The following OSBP2 variants were observed in gnomAD, a reference collection of about 807,000 sequenced individuals.
OSBP2 encodes oxysterol-binding protein 2.
OSBP2 carries 66 observed loss-of-function variants against 96.0 expected under a neutral mutation model. The observed-to-expected ratio is 0.69, with a 90% CI of 0.56 to 0.84. The LOEUF (loss-of-function observed/expected upper bound fraction) is 0.84, where lower values mean the gene tolerates loss of function less well. Ranked by LOEUF, OSBP2 falls within the 40% of genes least tolerant of loss-of-function variation. OSBP2 has a pLI of 0.00. For synonymous variants in OSBP2, 525 were observed against 520.9 expected (o/e 1.01, Z -0.11); for missense variants, 1,038 against 1,222.7 (o/e 0.85, Z 2.25).
rs143760339 is a variant in OSBP2 at position 30,707,703 on chromosome 22, C to T, written c.644+12150C>T. ...CTGCACTCCAGCCTGGGCAACAGAG[C>T]GAGACTCTGTCTCAAAAAAAAAAAA... On this transcript the variant is annotated intron_variant, in intron 1 of 13. Transcript: ENST00000332585. Among the ~76,000 whole-genome samples, 112 of 147,064 alleles carry T rather than the reference C, an allele frequency of 7.6e-4. 1 individual carries two copies. Among genetic ancestry groups the T allele is most frequent in the African/African-American group, 2.6e-3 (105 of 39,880 alleles).
Position 30,893,583 on chromosome 22 carries a change from G to T in OSBP2, c.2094+17G>T. ...ATCGACCAGGTCAGGGGCGCCCTTG[G>T]GGAGGGGGTGCATGGCCCGGGGGCT... On this transcript the variant is annotated intron_variant, in intron 10 of 13. Transcript: ENST00000332585. 6.2e-7 allele frequency: 1 copy of T among 1,613,612 alleles called. No individual in the cohort carries two copies. Among genetic ancestry groups the T allele is most frequent in the Non-Finnish European group, 8.5e-7 (1 of 1,179,502 alleles).
rs555536976 is a variant in OSBP2, at chr22:30,881,528, T to G, written c.1108-5898T>G. Among the ~76,000 whole-genome samples, 1 of 152,270 alleles carries G rather than the reference T, an allele frequency of 6.6e-6. No individual in the cohort carries two copies. The highest frequency in any genetic ancestry group is 1.9e-4 in the East Asian group (1 of 5,182). ...CGAGTCTCCTGGCCCCAGGTAGAGT[T>G]GTCACACAGCCTCAGAGAAATGAGA... is the stretch of plus-strand genomic sequence containing the variant. On this transcript the variant is annotated intron_variant, in intron 3 of 13. Coordinates refer to ENST00000332585, the MANE Select transcript of OSBP2 (RefSeq NM_030758.4). The surrounding 1 kb of genome is among the most constrained non-coding windows in gnomAD (Gnocchi z 4.5).
chr22:30,761,818 T>G (rs561174398), intron 2 of OSBP2, among the ~76,000 whole-genome samples: 42 of 152,226 alleles, frequency 2.8e-4, no homozygotes, highest in South Asian at 6.2e-4. Flanking sequence ...TTGACAGAGG[T>G]GCAGAAACAA....
chr22:30,823,073 C>T (rs1160648242), intron 2 of OSBP2, among the ~76,000 whole-genome samples: 1 of 152,274 alleles, frequency 6.6e-6, no homozygotes, highest in African/African-American at 2.4e-5. Context: ...CTGGGGTCCG[C>T]ATGCCCCTGG....
At chr22:30,704,712 C>G (rs1159634965) in intron 1 of OSBP2, among the ~76,000 whole-genome samples, 1 of 152,000 alleles carries the variant, frequency 6.6e-6, no homozygotes, top group Admixed American at 6.6e-5. Flanking sequence ...GTGATCTCAG[C>G]CTCCCAAAGT....
chr22:30,904,052 G>A (rs1433834340), intron 12 of OSBP2, among the ~76,000 whole-genome samples: 1 of 152,174 alleles, frequency 6.6e-6, no homozygotes, highest in South Asian at 2.1e-4. Flanking sequence ...GAGCTTGAAC[G>A]CCCGCGTGTG....
At chr22:30,857,243 A>G (rs2107401) in intron 2 of OSBP2, among the ~76,000 whole-genome samples, 101,413 of 152,056 alleles carry the variant, frequency 0.67, 35,270 homozygotes, top group African/African-American at 0.88. Flanking sequence ...GGAGGCAATG[A>G]TGGGCCTGGA....
intron 2 of OSBP2, among the ~76,000 whole-genome samples, chr22:30,826,410 T>C (rs1419955531): frequency 6.6e-6 from 1 of 152,144 alleles, no homozygotes; most frequent in African/African-American, 2.4e-5. Context: ...CAGTCCAGCC[T>C]CCCTCTGCCT....
chr22:30,839,676 C>T (rs1292073317), intron 2 of OSBP2, among the ~76,000 whole-genome samples: 2 of 151,372 alleles, frequency 1.3e-5, no homozygotes, highest in Non-Finnish European at 3.0e-5. Context: ...ATCCTTTGCC[C>T]ACTTTTTGAT....
At position 30,890,177 on chromosome 22, in the gene OSBP2, G is replaced by A. The variant is rs576472879; in HGVS notation, c.1623+541G>A. On this transcript the variant is annotated intron_variant, in intron 7 of 13. Transcript: ENST00000332585. This position sits in a 1 kb window ranked among gnomAD's most constrained non-coding sequence, Gnocchi z 4.4. Reference sequence around the variant, plus strand: ...TGTGTAGGGTGGGGAGAAACACAGCGTCCTCTTCAGTGTCTGGGAGGATGG... The same window carrying A: ...TGTGTAGGGTGGGGAGAAACACAGCATCCTCTTCAGTGTCTGGGAGGATGG... Among the ~76,000 whole-genome samples the A allele has an allele frequency of 1.2e-4, 19 of 152,256 alleles. No individual in the cohort carries two copies. Among genetic ancestry groups the A allele is most frequent in the East Asian group, 3.9e-4 (2 of 5,176 alleles).
chr22:30,698,424 CT>C (rs1165433154), intron 1 of OSBP2, among the ~76,000 whole-genome samples: 5 of 151,486 alleles, frequency 3.3e-5, no homozygotes, highest in African/African-American at 1.2e-4. Flanking sequence ...CCACTCTCAA[CT>C]TTTTAATTTT....
At position 30,870,445 on chromosome 22, in the gene OSBP2, C is replaced by T. The variant is rs746987875; in HGVS notation, c.870C>T (p.Asp290=). 3.3e-5 allele frequency: 54 copies of T among 1,613,916 alleles called. No individual in the cohort carries two copies. The highest frequency in any genetic ancestry group is 4.2e-5 in the Non-Finnish European group (49 of 1,180,018). ...CTTCCACAGATGACTCTGGGGACGA[C>T]GACGAGGCTACCACCCCAGCCGACA... ...MNTHSDDSGD[D]DEATTPADKS... The change falls in exon 3 of 14, where the codon GAC becomes GAT. Residue 290 remains aspartate (D), a synonymous_variant. Transcript: ENST00000332585. This position sits in a 1 kb window ranked among gnomAD's most constrained non-coding sequence, Gnocchi z 4.1.
upstream of OSBP2, chr22:30,694,208 A>G: frequency 1.3e-6 from 2 of 1,550,028 alleles, no homozygotes; most frequent in Non-Finnish European, 1.7e-6. Flanking sequence ...ATTTGTTTAG[A>G]GAACCCGAAC....
chr22:30,833,949 A>G (rs1569143158), intron 2 of OSBP2, among the ~76,000 whole-genome samples: 1 of 151,408 alleles, frequency 6.6e-6, no homozygotes, highest in East Asian at 1.9e-4. Context: ...AGAACTGTAT[A>G]ATCAACACTT....
Position 30,889,611 on chromosome 22 carries a change from G to A in OSBP2, c.1598G>A (p.Arg533Gln), listed in dbSNP as rs891144171. 34 of 1,613,788 alleles carry A rather than the reference G, an allele frequency of 2.1e-5. No individual in the cohort carries two copies. The highest frequency in any genetic ancestry group is 2.7e-5 in the African/African-American group (2 of 74,892). The change falls in exon 7 of 14, where the codon CGG (arginine) becomes CAG (glutamine). Residue 533 changes from arginine to glutamine, a missense_variant. Physicochemically the swap from Arg to Gln is conservative, Grantham distance 43. Coordinates refer to ENST00000332585, the MANE Select transcript of OSBP2 (RefSeq NM_030758.4). ...LWSIMKNCIG[R>Q]ELSRIPMPVN... ...AGCATCATGAAGAACTGCATCGGCC[G>A]GGAGCTCTCCAGGATCCCCATGCCG...
At position 30,893,672 on chromosome 22, in the gene OSBP2, A is replaced by G. The variant is rs896172406; in HGVS notation, c.2129A>G (p.Asn710Ser). ...GDIEIVNHKT[N>S]DRCQLKFLPY... ...ATCGAGATTGTGAACCATAAGACCA[A>G]TGACCGGTGCCAGCTGAAGTTCCTG... Residue 710 changes from asparagine (N) to serine (S), a missense_variant, in exon 11 of 14, where the codon AAT becomes AGT. Physicochemically the swap from Asn to Ser is conservative, Grantham distance 46. This residue lies in a region of OSBP2 where 737 missense variants were observed against 913.3 expected (regional missense o/e 0.81). Coordinates refer to ENST00000332585, the MANE Select transcript of OSBP2 (RefSeq NM_030758.4). 3.1e-6 allele frequency: 5 copies of G among 1,614,156 alleles called. No homozygotes were observed. In the Admixed American group the frequency reaches 6.7e-5, roughly 22 times the overall value.
chr22:30,879,303 G>A (rs374896678), intron 3 of OSBP2, among the ~76,000 whole-genome samples: 2 of 152,234 alleles, frequency 1.3e-5, no homozygotes, highest in East Asian at 3.9e-4. Context: ...ATAGATTCCA[G>A]ATTTGTCTAA....
intron 1 of OSBP2, among the ~76,000 whole-genome samples, chr22:30,737,752 G>C (rs907181629): frequency 3.3e-5 from 5 of 151,090 alleles, no homozygotes; most frequent in Non-Finnish European, 7.4e-5. Context: ...TCGCTCTGTT[G>C]CCCAGGCTGG....
chr22:30,824,544 G>A (rs1457483982), intron 2 of OSBP2, among the ~76,000 whole-genome samples: 1 of 152,150 alleles, frequency 6.6e-6, no homozygotes, highest in Non-Finnish European at 1.5e-5. Context: ...AGGGGTTGCG[G>A]GAAGCCTAGT....
Sources: gnomAD v4.1 joint callset for allele counts (sites outside exome capture counted in the v4.1 genomes callset) on GRCh38, gnomAD v4.1.1 for gene constraint, gnomAD v4.1.1 regional missense constraint, Gnocchi (gnomAD v3.1) non-coding constraint, MANE v1.5 for transcripts, NCBI Gene and HGNC (gene_info 2026-07-23, HGNC 2026-07-21) for gene names.